RBPMS: variants seen among roughly 807,000 people sequenced by gnomAD.
RBPMS encodes the protein RNA-binding protein with multiple splicing.
In RBPMS, 7 loss-of-function variants were observed where a neutral mutation model predicts 26.8. The observed-to-expected ratio is 0.26, with a 90% confidence interval of 0.15 to 0.49. RBPMS has a LOEUF of 0.49. Ranked by LOEUF, RBPMS falls within the 20% of genes least tolerant of loss-of-function variation. RBPMS has a pLI of 0.98. For missense variants in RBPMS, 186 were observed against 250.0 expected (o/e 0.74, Z 1.73); for synonymous variants, 96 against 93.3 (o/e 1.03, Z -0.17).
At position 30,555,535 on chromosome 8, in the gene RBPMS, G is replaced by A. The variant is rs77332058; in HGVS notation, c.529-3352G>A. On this transcript the variant is annotated intron_variant, in intron 6 of 8. Transcript: ENST00000397323. ...CCTGGAATTGTGTGCAAGACTGTGA[G>A]TGTGCACATTTGAGAGAGAGAACTA... 8.4e-4 allele frequency among the ~76,000 whole-genome samples: 128 copies of A among 152,342 alleles called. 1 individual carries two copies. Among genetic ancestry groups the A allele is most frequent in the African/African-American group, 2.9e-3 (122 of 41,572 alleles).
chr8:30,497,986 G>A (rs2150910250), intron 4 of RBPMS, among the ~76,000 whole-genome samples: 1 of 151,364 alleles, frequency 6.6e-6, no homozygotes, highest in South Asian at 2.1e-4. Context: ...GTTTTCATTT[G>A]GAGTTGGCCG....
At chr8:30,466,471 A>G (rs1047934824) in intron 1 of RBPMS, among the ~76,000 whole-genome samples, 1 of 152,150 alleles carries the variant, frequency 6.6e-6, no homozygotes, top group East Asian at 1.9e-4. Context: ...ACTTGAGCCC[A>G]GGCGTTCTAG....
chr8:30,421,550 A>G (rs1280555209), intron 1 of RBPMS, among the ~76,000 whole-genome samples: 2 of 152,204 alleles, frequency 1.3e-5, no homozygotes, highest in African/African-American at 2.4e-5. Context: ...AAAGCCAAAC[A>G]TGACAAATTA....
intron 1 of RBPMS, among the ~76,000 whole-genome samples, chr8:30,464,466 A>G (rs1374567559): frequency 4.6e-5 from 7 of 152,224 alleles, no homozygotes; most frequent in Admixed American, 4.6e-4. Flanking sequence ...TGTTAGAAGC[A>G]TATTGCATAG....
intron 1 of RBPMS, among the ~76,000 whole-genome samples, chr8:30,465,208 A>G (rs1334406342): frequency 2.6e-5 from 4 of 152,186 alleles, no homozygotes; most frequent in East Asian, 3.8e-4. Context: ...TGAATTTCCT[A>G]ATATCAAGGT....
At chr8:30,393,236 A>C (rs1004103331) in intron 1 of RBPMS, among the ~76,000 whole-genome samples, 1 of 151,962 alleles carries the variant, frequency 6.6e-6, no homozygotes, top group African/African-American at 2.4e-5. Context: ...GGTCTTTCTC[A>C]TATGCTTTTT....
At chr8:30,476,051 G>A (rs1016034451) in intron 2 of RBPMS, among the ~76,000 whole-genome samples, 5 of 152,236 alleles carry the variant, frequency 3.3e-5, no homozygotes, top group African/African-American at 1.2e-4. Context: ...AACTTTTAAC[G>A]CAAATTGATC....
rs78307673 is a variant in RBPMS, at chr8:30,548,081, G to A, written c.528+3457G>A. Among the ~76,000 whole-genome samples, 1,313 of 152,352 alleles carry A rather than the reference G, an allele frequency of 8.6e-3. 10 individuals carry two copies. Among genetic ancestry groups the A allele is most frequent in the African/African-American group, 0.027 (1,142 of 41,582 alleles). Reference sequence around the variant, plus strand: ...TGTTTAGAGATCAAAGAGCGACCCTGTGCAGCAGACATCGGATTGCTAAGA... The same window carrying A: ...TGTTTAGAGATCAAAGAGCGACCCTATGCAGCAGACATCGGATTGCTAAGA... On this transcript the variant is annotated intron_variant, in intron 6 of 8. Transcript: ENST00000397323.
chr8:30,567,030 T>G (rs558379594), intron 8 of RBPMS, among the ~76,000 whole-genome samples: 21 of 152,314 alleles, frequency 1.4e-4, no homozygotes, highest in African/African-American at 5.1e-4. Flanking sequence ...TCCTGTAGCA[T>G]TCCCAGAGGT....
chr8:30,558,154 ACACC>A (rs1827126551), intron 6 of RBPMS: 1 of 150,286 alleles, frequency 6.7e-6, no homozygotes. Context: ...GTGAGCCACC[ACACC>A]CATTTTTTTT....
At chr8:30,521,608 A>T (rs1294996734) in intron 5 of RBPMS, among the ~76,000 whole-genome samples, 2 of 152,148 alleles carry the variant, frequency 1.3e-5, no homozygotes, top group Non-Finnish European at 2.9e-5. Context: ...TTACTCATAT[A>T]ATTGTGAGTA....
chr8:30,500,958 C>T (rs906005162), intron 4 of RBPMS, among the ~76,000 whole-genome samples: 4 of 151,994 alleles, frequency 2.6e-5, no homozygotes, highest in African/African-American at 9.7e-5. Flanking sequence ...CTAGAGTTAC[C>T]GCCAATCACT....
intron 1 of RBPMS, among the ~76,000 whole-genome samples, chr8:30,451,397 A>G (rs1814577007): frequency 6.6e-6 from 1 of 152,228 alleles, no homozygotes; most frequent in African/African-American, 2.4e-5. Flanking sequence ...TTGTTCAGGC[A>G]AGACTGAGAT....
chr8:30,438,212 A>T (rs758742873), intron 1 of RBPMS, among the ~76,000 whole-genome samples: 1 of 152,170 alleles, frequency 6.6e-6, no homozygotes, highest in Non-Finnish European at 1.5e-5. Flanking sequence ...TGTAGCCAGG[A>T]GTTTGAGACC....
intron 6 of RBPMS, among the ~76,000 whole-genome samples, chr8:30,551,790 A>G (rs1018199778): frequency 1.3e-5 from 2 of 152,174 alleles, no homozygotes; most frequent in Admixed American, 6.5e-5. Flanking sequence ...GATTTTAATG[A>G]CAGTTTCTAC....
intron 1 of RBPMS, among the ~76,000 whole-genome samples, chr8:30,467,317 A>G (rs2150802170): frequency 6.6e-6 from 1 of 152,326 alleles, no homozygotes; most frequent in Admixed American, 6.5e-5. Flanking sequence ...ATAACTTAAT[A>G]GATTATTTAA....
chr8:30,472,790 A>C (rs1817275241), intron 1 of RBPMS, among the ~76,000 whole-genome samples: 1 of 152,166 alleles, frequency 6.6e-6, no homozygotes, highest in African/African-American at 2.4e-5. Flanking sequence ...AGGAATCTAG[A>C]AAAAGCCAGG....
At chr8:30,489,645 C>T (rs1366755023) in intron 4 of RBPMS, among the ~76,000 whole-genome samples, 1 of 151,202 alleles carries the variant, frequency 6.6e-6, no homozygotes, top group Admixed American at 6.6e-5. Flanking sequence ...GGGTTTCACC[C>T]CGTTGGTCAG....
At chr8:30,433,171 G>A (rs1812122114) in intron 1 of RBPMS, among the ~76,000 whole-genome samples, 1 of 152,138 alleles carries the variant, frequency 6.6e-6, no homozygotes, top group Non-Finnish European at 1.5e-5. Flanking sequence ...ACCCAAACGT[G>A]AACTTTCAAA....
Sources: allele counts gnomAD v4.1 joint callset (sites outside exome capture counted in the v4.1 genomes callset), GRCh38; gene constraint gnomAD v4.1.1; transcripts MANE v1.5; gene names NCBI Gene and HGNC (gene_info 2026-07-23, HGNC 2026-07-21).